MAP2: variants seen among roughly 807,000 people sequenced by gnomAD.
MAP2 encodes the protein microtubule associated protein 2.
In MAP2, 14 loss-of-function variants were observed where a neutral mutation model predicts 137.6. That is an observed-to-expected ratio of 0.10 (90% CI 0.07 to 0.16). The LOEUF (loss-of-function observed/expected upper bound fraction) is 0.16, where lower values mean the gene tolerates loss of function less well. Ranked by LOEUF, MAP2 falls within the 10% of genes least tolerant of loss-of-function variation. The pLI is 1.00. For missense variants in MAP2, 2,088 were observed against 2,191.5 expected (o/e 0.95, Z 0.94); for synonymous variants, 786 against 782.3 (o/e 1.00, Z -0.08).
intron 1 of MAP2, among the ~76,000 whole-genome samples, chr2:209,441,004 A>C (rs10490754): frequency 0.032 from 4,819 of 151,564 alleles, 284 homozygotes; most frequent in African/African-American, 0.11. Context: ...GATACACTTA[A>C]ATAAGAGCCC....
intron 10 of MAP2, 127 bp downstream of exon 10, chr2:209,697,178 G>A: frequency 1.1e-6 from 1 of 895,398 alleles, no homozygotes; most frequent in Non-Finnish European, 1.7e-6. Flanking sequence ...GAACAATTTT[G>A]CTATTAAGTG....
intron 1 of MAP2, among the ~76,000 whole-genome samples, chr2:209,477,506 A>G (rs1412912814): frequency 6.6e-6 from 1 of 152,126 alleles, no homozygotes; most frequent in African/African-American, 2.4e-5. Flanking sequence ...ACCCTTTACA[A>G]TTGTCTTTAG....
chr2:209,550,522 T>C (rs1247659425), intron 2 of MAP2, among the ~76,000 whole-genome samples: 1 of 152,136 alleles, frequency 6.6e-6, no homozygotes, highest in Non-Finnish European at 1.5e-5. Flanking sequence ...ATATTTACTC[T>C]AAACCTGAAA....
intron 3 of MAP2, among the ~76,000 whole-genome samples, chr2:209,583,229 G>A (rs1299416945): frequency 6.7e-6 from 1 of 150,318 alleles, no homozygotes; most frequent in African/African-American, 2.5e-5. Context: ...AAGTGAATAT[G>A]TCCTCAAATA....
chr2:209,522,222 G>A (rs762801303), intron 2 of MAP2, among the ~76,000 whole-genome samples: 4 of 152,006 alleles, frequency 2.6e-5, no homozygotes, highest in Non-Finnish European at 5.9e-5. Context: ...TAAATTCCAA[G>A]GAGCTAATCA....
intron 9 of MAP2, 79 bp downstream of exon 9, chr2:209,696,827 G>A (rs1056779964): frequency 8.5e-6 from 13 of 1,537,906 alleles, no homozygotes; most frequent in Middle Eastern, 1.8e-4. Context: ...CCTAACAGTG[G>A]TAACTAATTA....
At chr2:209,577,132 C>T (rs950957804) in intron 2 of MAP2, among the ~76,000 whole-genome samples, 9 of 151,934 alleles carry the variant, frequency 5.9e-5, no homozygotes, top group African/African-American at 1.7e-4. Context: ...ATAAAGCATT[C>T]ACTTTGAAAA....
chr2:209,565,062 C>T (rs769820323), intron 2 of MAP2, among the ~76,000 whole-genome samples: 4 of 152,120 alleles, frequency 2.6e-5, no homozygotes, highest in Non-Finnish European at 4.4e-5. Context: ...TCAGATTCAC[C>T]GCTTGGCTGC....
At chr2:209,712,863 A>G (rs2065979505) in intron 13 of MAP2, among the ~76,000 whole-genome samples, 1 of 152,200 alleles carries the variant, frequency 6.6e-6, no homozygotes, top group South Asian at 2.1e-4. Flanking sequence ...TCGAGCATCT[A>G]TACATGCATA....
chr2:209,502,576 C>T (rs1018135234), intron 1 of MAP2, among the ~76,000 whole-genome samples: 2 of 151,980 alleles, frequency 1.3e-5, no homozygotes, highest in East Asian at 1.9e-4. Context: ...TTCAAGGTAC[C>T]GACTTCATTT....
chr2:209,427,980 A>C (rs1226950498), intron 1 of MAP2, among the ~76,000 whole-genome samples: 1 of 152,198 alleles, frequency 6.6e-6, no homozygotes, highest in East Asian at 1.9e-4. Flanking sequence ...CTGTTTCAAC[A>C]TATTTTGTCC....
At chr2:209,705,159 G>A (rs964680040) in intron 11 of MAP2, among the ~76,000 whole-genome samples, 2 of 151,846 alleles carry the variant, frequency 1.3e-5, no homozygotes, top group Non-Finnish European at 2.9e-5. Context: ...AACTATAAAG[G>A]GTTCCTGTCA....
At chr2:209,445,720 T>C (rs189692033) in intron 1 of MAP2, among the ~76,000 whole-genome samples, 2 of 151,762 alleles carry the variant, frequency 1.3e-5, no homozygotes, top group East Asian at 3.9e-4. Context: ...ATCAGAAGCA[T>C]TGGCAAACCA....
At chr2:209,597,663 C>T (rs981061024) in intron 3 of MAP2, among the ~76,000 whole-genome samples, 3 of 152,316 alleles carry the variant, frequency 2.0e-5, no homozygotes, top group Non-Finnish European at 2.9e-5. Flanking sequence ...GCCATAAGGC[C>T]ATCCATGATC....
At chr2:209,573,483 AG>A (rs1430180894) in intron 2 of MAP2, among the ~76,000 whole-genome samples, 1 of 151,692 alleles carries the variant, frequency 6.6e-6, no homozygotes, top group African/African-American at 2.4e-5. Context: ...TAGTAGAGAC[AG>A]GGTTTCCCCA....
chr2:209,704,485 T>C, intron 11 of MAP2: 1 of 1,612,280 alleles, frequency 6.2e-7, no homozygotes, highest in South Asian at 1.1e-5. Flanking sequence ...CTTTACAGGG[T>C]AGCACAAAGT....
chr2:209,450,402 T>G (rs1320684044), intron 1 of MAP2, among the ~76,000 whole-genome samples: 1 of 152,236 alleles, frequency 6.6e-6, no homozygotes, highest in Non-Finnish European at 1.5e-5. Context: ...CAGTAACAAG[T>G]GGCTTTTGAC....
chr2:209,446,972 A>G (rs1200873997), intron 1 of MAP2, among the ~76,000 whole-genome samples: 1 of 151,958 alleles, frequency 6.6e-6, no homozygotes, highest in Non-Finnish European at 1.5e-5. Context: ...TAATGTAGGT[A>G]CTTCAAGATT....
chr2:209,675,288 G>T (rs1028151790), intron 5 of MAP2, among the ~76,000 whole-genome samples: 2 of 151,642 alleles, frequency 1.3e-5, no homozygotes, highest in African/African-American at 4.8e-5. Context: ...AAATTAACTT[G>T]TTCATGAGTT....
Sources: allele counts gnomAD v4.1 joint callset (sites outside exome capture counted in the v4.1 genomes callset), GRCh38; gene constraint gnomAD v4.1.1; transcripts MANE v1.5; gene names NCBI Gene and HGNC (gene_info 2026-07-23, HGNC 2026-07-21).